The following CDKAL1 variants were observed in gnomAD, a reference collection of about 807,000 sequenced individuals.
CDKAL1 encodes the protein threonylcarbamoyladenosine tRNA methylthiotransferase.
A neutral mutation model predicts 68.2 loss-of-function variants in CDKAL1; 32 were observed. The ratio of observed to expected loss-of-function variants is 0.47; its 90% CI spans 0.35 to 0.63. The LOEUF (loss-of-function observed/expected upper bound fraction) is 0.63. Among genes scored for constraint, CDKAL1 ranks in the 30% least tolerant of loss-of-function variants. The pLI, the probability that CDKAL1 is intolerant of heterozygous loss-of-function variation, is 0.00. For synonymous variants in CDKAL1, 234 were observed against 244.3 expected, an observed-to-expected ratio of 0.96 and a Z score of 0.39; for missense variants, 606 against 696.7, an observed-to-expected ratio of 0.87 and a Z score of 1.47.
rs1057292554 is a variant in CDKAL1 at position 20,645,622 on chromosome 6, T to C, written c.287-3671T>C. The stretch of plus-strand genomic sequence containing the variant: ...GGCAGGTGCCTGTAGTCCCAGCTAC[T>C]TGGGCGGCTGAGGCAGGAGAATCAC... On this transcript the variant is annotated intron_variant, in intron 4 of 15. Transcript: ENST00000274695. 3.8e-4 allele frequency among the ~76,000 whole-genome samples: 57 copies of C among 151,676 alleles called. 1 individual carries two copies. In the Middle Eastern group the frequency reaches 0.017, roughly 45 times the overall value.
intron 4 of CDKAL1, among the ~76,000 whole-genome samples, chr6:20,576,793 T>A (rs1057463160): frequency 1.3e-5 from 2 of 152,160 alleles, no homozygotes; most frequent in African/African-American, 4.8e-5. Context: ...AGGAGCTTGC[T>A]TTTCTCTGTG....
chr6:21,092,672 A>AT (rs889496792), intron 12 of CDKAL1, among the ~76,000 whole-genome samples: 1 of 151,980 alleles, frequency 6.6e-6, no homozygotes, highest in Non-Finnish European at 1.5e-5. Flanking sequence ...CAGAATAGGA[A>AT]TGGAGTGAGA....
chr6:20,987,359 A>G (rs756903953), intron 10 of CDKAL1, among the ~76,000 whole-genome samples: 19 of 151,628 alleles, frequency 1.3e-4, no homozygotes, highest in Non-Finnish European at 2.1e-4. Flanking sequence ...CCTGGATTCA[A>G]GTGATTGTCC....
At chr6:20,880,434 T>C (rs1760751626) in intron 9 of CDKAL1, among the ~76,000 whole-genome samples, 1 of 152,104 alleles carries the variant, frequency 6.6e-6, no homozygotes. Context: ...TTTTGTATTT[T>C]TTAGTAGGGA....
intron 9 of CDKAL1, among the ~76,000 whole-genome samples, chr6:20,871,212 T>C (rs1760195536): frequency 6.6e-6 from 1 of 152,220 alleles, no homozygotes; most frequent in Non-Finnish European, 1.5e-5. Flanking sequence ...TGAAATAGCG[T>C]TATCAGTACA....
At chr6:21,055,369 G>GT (rs1212798248) in intron 11 of CDKAL1, among the ~76,000 whole-genome samples, 1 of 151,666 alleles carries the variant, frequency 6.6e-6, no homozygotes, top group East Asian at 1.9e-4. Context: ...TTTTTTGTTT[G>GT]TTTTTTCTTT....
intron 4 of CDKAL1, among the ~76,000 whole-genome samples, chr6:20,610,533 T>C (rs1238024920): frequency 6.6e-6 from 1 of 152,006 alleles, no homozygotes; most frequent in African/African-American, 2.4e-5. Flanking sequence ...TTTGAAATTA[T>C]ATTTGGCTCT....
At chr6:21,024,861 A>G (rs1768875819) in intron 11 of CDKAL1, among the ~76,000 whole-genome samples, 1 of 152,232 alleles carries the variant, frequency 6.6e-6, no homozygotes, top group Non-Finnish European at 1.5e-5. Context: ...GTTCAAAAAA[A>G]GTCCAAGTAC....
intron 11 of CDKAL1, among the ~76,000 whole-genome samples, chr6:21,020,986 C>T (rs1244306267): frequency 6.6e-6 from 1 of 151,878 alleles, no homozygotes; most frequent in Non-Finnish European, 1.5e-5. Context: ...TCTTATGAAC[C>T]CAGCCACTTA....
intron 13 of CDKAL1, among the ~76,000 whole-genome samples, chr6:21,172,841 T>G (rs1777440455): frequency 6.6e-6 from 1 of 152,218 alleles, no homozygotes; most frequent in Non-Finnish European, 1.5e-5. Context: ...GTTGCTTGTG[T>G]GTACATTGGT....
intron 10 of CDKAL1, among the ~76,000 whole-genome samples, chr6:20,978,460 A>G (rs1440886365): frequency 1.3e-5 from 2 of 152,224 alleles, no homozygotes; most frequent in Non-Finnish European, 2.9e-5. Flanking sequence ...GAAGGAGGCT[A>G]TTTGATACTT....
At chr6:20,800,577 A>G (rs1776325511) in intron 8 of CDKAL1, 1 of 152,212 alleles carries the variant, frequency 6.6e-6, no homozygotes, top group Admixed American at 6.5e-5. Flanking sequence ...AGCTTTTAAA[A>G]TTCTTTTGAT....
chr6:20,967,384 AT>A (rs1409581666), intron 10 of CDKAL1, among the ~76,000 whole-genome samples: 2 of 152,126 alleles, frequency 1.3e-5, no homozygotes, highest in African/African-American at 4.8e-5. Flanking sequence ...TACTATATAT[AT>A]TTTAAGTCAT....
At chr6:21,152,659 C>G (rs1776466753) in intron 13 of CDKAL1, among the ~76,000 whole-genome samples, 1 of 152,224 alleles carries the variant, frequency 6.6e-6, no homozygotes, top group South Asian at 2.1e-4. Flanking sequence ...TACTTATTTA[C>G]TGCCCGTAAT....
At chr6:20,791,425 A>G (rs1775894551) in intron 8 of CDKAL1, among the ~76,000 whole-genome samples, 1 of 152,068 alleles carries the variant, frequency 6.6e-6, no homozygotes, top group African/African-American at 2.4e-5. Context: ...ACATCATCTG[A>G]CCAGTTTTTT....
chr6:21,124,976 C>G (rs763769112), intron 13 of CDKAL1, among the ~76,000 whole-genome samples: 1 of 152,106 alleles, frequency 6.6e-6, no homozygotes, highest in Non-Finnish European at 1.5e-5. Flanking sequence ...CCCCAGTATG[C>G]TACACTCTCT....
At chr6:20,826,403 G>T (rs1777503633) in intron 8 of CDKAL1, among the ~76,000 whole-genome samples, 1 of 152,048 alleles carries the variant, frequency 6.6e-6, no homozygotes, top group Non-Finnish European at 1.5e-5. Context: ...GCTATTTTCA[G>T]GTGTTTTGAA....
chr6:21,208,046 G>C (rs1395069076), intron 15 of CDKAL1, among the ~76,000 whole-genome samples: 1 of 150,534 alleles, frequency 6.6e-6, no homozygotes, highest in Non-Finnish European at 1.5e-5. Context: ...GAATATTCTA[G>C]AATGGAGGCC....
intron 7 of CDKAL1, among the ~76,000 whole-genome samples, chr6:20,767,677 T>C (rs1338228484): frequency 6.6e-6 from 1 of 152,176 alleles, no homozygotes; most frequent in South Asian, 2.1e-4. Flanking sequence ...TTATGGATCT[T>C]TTCTTAGAAA....
Sources: gnomAD v4.1 joint callset for allele counts (sites outside exome capture counted in the v4.1 genomes callset) on GRCh38, gnomAD v4.1.1 for gene constraint, MANE v1.5 for transcripts, NCBI Gene and HGNC (gene_info 2026-07-23, HGNC 2026-07-21) for gene names.